The following MAP4K5 variants were observed in gnomAD, a reference collection of about 807,000 sequenced individuals.
The protein encoded by MAP4K5 is MAPK/ERK kinase kinase kinase 5.
A neutral mutation model predicts 135.6 loss-of-function variants in MAP4K5; 82 were observed. The observed-to-expected ratio is 0.60, with a 90% confidence interval of 0.51 to 0.73. The LOEUF is 0.73. Ranked by LOEUF, MAP4K5 falls within the 30% of genes least tolerant of loss-of-function variation. The pLI, the probability that MAP4K5 is intolerant of heterozygous loss-of-function variation, is 0.00. For missense variants in MAP4K5, 907 were observed against 1,010.9 expected, an observed-to-expected ratio of 0.90 and a Z score of 1.39; for synonymous variants, 347 against 335.0, an observed-to-expected ratio of 1.04 and a Z score of -0.39.
intron 31 of MAP4K5, 40 bp from the exon 32 acceptor site, chr14:50,423,216 C>T: frequency 6.2e-6 from 5 of 807,788 alleles, no homozygotes; most frequent in Non-Finnish European, 8.2e-6. Context: ...TCTTACTCCC[C>T]ATATTGCCTT....
At chr14:50,553,493 G>A (rs919445893) in intron 1 of MAP4K5, among the ~76,000 whole-genome samples, 3 of 151,954 alleles carry the variant, frequency 2.0e-5, no homozygotes, top group South Asian at 2.1e-4. Context: ...GCTCTTTTAC[G>A]CTGCTGGTGG....
intron 11 of MAP4K5, among the ~76,000 whole-genome samples, chr14:50,465,457 T>C (rs926861358): frequency 6.6e-6 from 1 of 152,238 alleles, no homozygotes; most frequent in African/African-American, 2.4e-5. Flanking sequence ...CTTTTTGGAC[T>C]ATAAAGATAG....
At chr14:50,542,676 TA>T (rs2038581093) in intron 1 of MAP4K5, 1 of 152,132 alleles carries the variant, frequency 6.6e-6, no homozygotes, top group Non-Finnish European at 1.5e-5. Context: ...CCATTATCTA[TA>T]GGCTCATAGC....
chr14:50,560,777 C>T (rs766743534), intron 1 of MAP4K5, among the ~76,000 whole-genome samples: 1 of 152,164 alleles, frequency 6.6e-6, no homozygotes, highest in East Asian at 1.9e-4. Flanking sequence ...CGCGGGCTCC[C>T]GGCGGCGGGC....
At chr14:50,464,020 T>C (rs1276296063) in intron 12 of MAP4K5, 32 bp downstream of exon 12, 3 of 1,250,902 alleles carry the variant, frequency 2.4e-6, no homozygotes, top group South Asian at 1.3e-5. Context: ...TTTATGACTA[T>C]AGGAAGACCC....
intron 27 of MAP4K5, 50 bp from the exon 28 acceptor site, chr14:50,434,621 T>C: frequency 2.0e-6 from 3 of 1,493,866 alleles, no homozygotes; most frequent in Non-Finnish European, 2.7e-6. Context: ...AATCTCCCCA[T>C]TCATACCACT....
intron 2 of MAP4K5, among the ~76,000 whole-genome samples, chr14:50,529,166 T>G (rs2038331058): frequency 6.6e-6 from 1 of 152,086 alleles, no homozygotes. Context: ...GCAGATCATT[T>G]AAGCTCAGGA....
chr14:50,513,358 T>A (rs1017964566), intron 2 of MAP4K5, among the ~76,000 whole-genome samples: 6 of 152,158 alleles, frequency 3.9e-5, no homozygotes, highest in Non-Finnish European at 7.4e-5. Context: ...AATTGAAAGA[T>A]GTTAATTAAG....
At chr14:50,475,040 T>C (rs1472221282) in intron 9 of MAP4K5, 37 bp downstream of exon 9, 1 of 1,547,330 alleles carries the variant, frequency 6.5e-7, no homozygotes, top group African/African-American at 1.4e-5. Context: ...CATGAAGAAA[T>C]GAAAATGGAT....
chr14:50,553,019 G>C (rs766182271), intron 1 of MAP4K5, among the ~76,000 whole-genome samples: 1 of 152,110 alleles, frequency 6.6e-6, no homozygotes, highest in African/African-American at 2.4e-5. Flanking sequence ...ATGGGGCCAG[G>C]CATGGTGGCT....
chr14:50,498,880 A>G (rs1031849239), intron 3 of MAP4K5, among the ~76,000 whole-genome samples: 1 of 152,230 alleles, frequency 6.6e-6, no homozygotes, highest in Non-Finnish European at 1.5e-5. Context: ...GCACTTTTGT[A>G]TTATGCTGGC....
At chr14:50,436,991 T>A (rs766626310) in intron 26 of MAP4K5, among the ~76,000 whole-genome samples, 1 of 151,372 alleles carries the variant, frequency 6.6e-6, no homozygotes, top group East Asian at 1.9e-4. Context: ...ATCGTAACTA[T>A]GAGTATAACT....
intron 6 of MAP4K5, among the ~76,000 whole-genome samples, chr14:50,481,334 T>A (rs888817961): frequency 4.6e-5 from 7 of 150,848 alleles, no homozygotes; most frequent in African/African-American, 1.7e-4. Context: ...TAAATTAATC[T>A]GATTTATCTC....
intron 28 of MAP4K5, among the ~76,000 whole-genome samples, chr14:50,433,331 T>C (rs1201877254): frequency 6.6e-6 from 1 of 152,246 alleles, no homozygotes; most frequent in Non-Finnish European, 1.5e-5. Flanking sequence ...GTATGTTTTA[T>C]AGACCAGTGC....
chr14:50,547,284 A>G (rs1191224425), intron 1 of MAP4K5, among the ~76,000 whole-genome samples: 1 of 152,200 alleles, frequency 6.6e-6, no homozygotes, highest in African/African-American at 2.4e-5. Flanking sequence ...AAATCTTAAA[A>G]TTATTTTAGG....
At chr14:50,512,104 C>T (rs1007662650) in intron 2 of MAP4K5, among the ~76,000 whole-genome samples, 4 of 151,978 alleles carry the variant, frequency 2.6e-5, no homozygotes, top group African/African-American at 4.8e-5. Flanking sequence ...ACCACACTAA[C>T]GCAAGATGTT....
intron 2 of MAP4K5, among the ~76,000 whole-genome samples, chr14:50,528,402 T>TAAAA (rs5808556): frequency 9.3e-6 from 1 of 107,068 alleles, no homozygotes; most frequent in Non-Finnish European, 1.9e-5. Context: ...ACCTAAGGTG[T>TAAAA]AAAAAAAAAA....
At chr14:50,560,586 C>T (rs1471937768) in intron 1 of MAP4K5, 1 of 480,400 alleles carries the variant, frequency 2.1e-6, no homozygotes, top group Middle Eastern at 5.8e-4. Context: ...TTGGACAGCA[C>T]CCACCAGGCG....
At chr14:50,463,891 CAAAAAAAAAAAAAAAAAA>C (rs56877870) in intron 12 of MAP4K5, among the ~76,000 whole-genome samples, 143 bp downstream of exon 12, 3 of 70,406 alleles carry the variant, frequency 4.3e-5, no homozygotes, top group Non-Finnish European at 7.7e-5. Context: ...ACCCTGTTTC[CAAAAAAAAAAAAAAAAAA>C]AAAAAAAAAA....
Sources: gnomAD v4.1 joint callset for allele counts (sites outside exome capture counted in the v4.1 genomes callset) on GRCh38, gnomAD v4.1.1 for gene constraint, MANE v1.5 for transcripts, NCBI Gene and HGNC (gene_info 2026-07-23, HGNC 2026-07-21) for gene names.